The following GPR158 variants were observed in gnomAD, a reference collection of about 807,000 sequenced individuals.
GPR158 encodes the protein metabotropic glycine receptor.
Under a neutral mutation model 78.2 loss-of-function variants are expected in GPR158, and 30 were observed. The ratio of observed to expected loss-of-function variants is 0.38; its 90% confidence interval spans 0.29 to 0.52. The LOEUF (loss-of-function observed/expected upper bound fraction) is 0.52. Ranked by LOEUF, GPR158 falls within the 20% of genes least tolerant of loss-of-function variation. The pLI is 0.83. For synonymous variants in GPR158, 581 were observed against 591.1 expected (o/e 0.98, Z 0.25); for missense variants, 1,463 against 1,523.5 (o/e 0.96, Z 0.66).
intron 2 of GPR158, among the ~76,000 whole-genome samples, chr10:25,330,142 A>G (rs900561190): frequency 6.6e-6 from 1 of 151,914 alleles, no homozygotes; most frequent in Admixed American, 6.6e-5. Flanking sequence ...TACCTCTTAC[A>G]TATTATCTCA....
intron 5 of GPR158, among the ~76,000 whole-genome samples, chr10:25,545,304 C>G (rs61395610): frequency 0.03 from 4,601 of 152,268 alleles, 241 homozygotes; most frequent in African/African-American, 0.1. Context: ...AATGGCTGAA[C>G]TAATTTACAC....
intron 5 of GPR158, among the ~76,000 whole-genome samples, chr10:25,477,605 T>G (rs1835606358): frequency 6.6e-6 from 1 of 152,126 alleles, no homozygotes; most frequent in Non-Finnish European, 1.5e-5. Context: ...TAGACTATGA[T>G]TTTTAAGCTG....
At chr10:25,340,446 G>C (rs1249852541) in intron 2 of GPR158, among the ~76,000 whole-genome samples, 3 of 152,050 alleles carry the variant, frequency 2.0e-5, no homozygotes, top group Non-Finnish European at 4.4e-5. Flanking sequence ...AAACATTCCA[G>C]TCAGAGGAAG....
chr10:25,430,399 G>A (rs1266584586), intron 4 of GPR158, among the ~76,000 whole-genome samples: 1 of 149,652 alleles, frequency 6.7e-6, no homozygotes, highest in African/African-American at 2.5e-5. Flanking sequence ...ATGCTCATGG[G>A]TAGGAAGAAT....
chr10:25,564,844 C>CAGTT (rs1554814236), intron 6 of GPR158, among the ~76,000 whole-genome samples: 1 of 152,142 alleles, frequency 6.6e-6, no homozygotes, highest in African/African-American at 2.4e-5. Flanking sequence ...TTGACTCTAA[C>CAGTT]AGTTCTTGCT....
intron 2 of GPR158, among the ~76,000 whole-genome samples, chr10:25,268,203 A>G (rs141889934): frequency 7.2e-5 from 11 of 152,212 alleles, no homozygotes; most frequent in African/African-American, 2.6e-4. Flanking sequence ...CTTAAAGAAT[A>G]CTCGTTATCC....
intron 2 of GPR158, among the ~76,000 whole-genome samples, chr10:25,256,322 A>T (rs574673688): frequency 2.0e-5 from 3 of 152,330 alleles, no homozygotes; most frequent in Admixed American, 6.5e-5. Flanking sequence ...AATATACCTT[A>T]TCATGCATTC....
intron 1 of GPR158, among the ~76,000 whole-genome samples, chr10:25,189,845 T>A (rs907233827): frequency 2.1e-5 from 3 of 144,732 alleles, no homozygotes; most frequent in Non-Finnish European, 1.5e-5. Context: ...TGTGTGTGTG[T>A]GTGTGTGTGT....
At chr10:25,309,804 T>A (rs1854737794) in intron 2 of GPR158, among the ~76,000 whole-genome samples, 1 of 152,164 alleles carries the variant, frequency 6.6e-6, no homozygotes, top group Non-Finnish European at 1.5e-5. Context: ...CCTGCCACCA[T>A]GTAAGATGTG....
intron 2 of GPR158, among the ~76,000 whole-genome samples, chr10:25,380,860 A>C (rs1393759726): frequency 6.6e-6 from 1 of 152,222 alleles, no homozygotes; most frequent in African/African-American, 2.4e-5. Context: ...AGGGATGAGA[A>C]AGGCATTGAT....
intron 6 of GPR158, among the ~76,000 whole-genome samples, chr10:25,559,311 T>G (rs1164910026): frequency 6.6e-6 from 1 of 152,210 alleles, no homozygotes; most frequent in African/African-American, 2.4e-5. Context: ...TTTCCATTAT[T>G]TTACTTTTGG....
At chr10:25,369,982 T>C (rs1833961571) in intron 2 of GPR158, among the ~76,000 whole-genome samples, 1 of 147,124 alleles carries the variant, frequency 6.8e-6, no homozygotes, top group Admixed American at 6.8e-5. Flanking sequence ...TCTCTGATGG[T>C]AGTTTGTATT....
At chr10:25,570,028 A>C (rs1302694923) in intron 6 of GPR158, among the ~76,000 whole-genome samples, 4 of 152,232 alleles carry the variant, frequency 2.6e-5, no homozygotes, top group African/African-American at 9.6e-5. Flanking sequence ...ATGGAAGAAA[A>C]GTGGGTCAGG....
chr10:25,474,006 A>T (rs1835547158), intron 5 of GPR158, among the ~76,000 whole-genome samples: 1 of 152,154 alleles, frequency 6.6e-6, no homozygotes, highest in South Asian at 2.1e-4. Context: ...ATCCTGGATT[A>T]TCTGGGTGTG....
In GPR158 at chr10:25,341,361, A is replaced by AATT. The variant is rs140420475; in HGVS notation, c.1009-54547_1009-54545dup. Among the ~76,000 whole-genome samples, 855 of 152,146 alleles carry AATT rather than the reference A, an allele frequency of 5.6e-3. 5 individuals are homozygous for AATT. The highest frequency in any genetic ancestry group is 0.018 in the African/African-American group (736 of 41,538). ...TAGAACATAAATTGGAAGGGAAGTTAATTATGTATTTAATATCTATGCATT... is the reference window on the plus strand; with the variant it reads ...TAGAACATAAATTGGAAGGGAAGTTAATTATTATGTATTTAATATCTATGCATT... On this transcript the variant is annotated intron_variant, in intron 2 of 10. Coordinates refer to ENST00000376351, the MANE Select transcript of GPR158 (RefSeq NM_020752.3).
At chr10:25,587,748 G>A (rs149269524) in intron 7 of GPR158, among the ~76,000 whole-genome samples, 1 of 152,156 alleles carries the variant, frequency 6.6e-6, no homozygotes, top group African/African-American at 2.4e-5. Flanking sequence ...GCTACATCAG[G>A]GTTTTAGAGT....
rs556062382 is a variant in GPR158 at position 25,575,465 on chromosome 10, G to A, written c.1753+2578G>A. Among the ~76,000 whole-genome samples the A allele has an allele frequency of 6.8e-4, 104 of 152,220 alleles. No homozygotes were observed. In the Middle Eastern group the frequency reaches 0.02, roughly 30 times the overall value. On this transcript the variant is annotated intron_variant, in intron 7 of 10. Coordinates refer to ENST00000376351, the MANE Select transcript of GPR158 (RefSeq NM_020752.3). ...ACCCGCAGCAGCGGCATCACCTGGG[G>A]ACTTGTTAGAAATGCAGATTCTCAG...
intron 2 of GPR158, among the ~76,000 whole-genome samples, chr10:25,243,238 T>C (rs918770373): frequency 4.6e-5 from 7 of 152,244 alleles, no homozygotes; most frequent in African/African-American, 1.7e-4. Context: ...AGAATGTTTC[T>C]TTACCCTTGT....
intron 2 of GPR158, among the ~76,000 whole-genome samples, chr10:25,379,397 C>G (rs1032533583): frequency 6.6e-5 from 10 of 152,080 alleles, no homozygotes; most frequent in Non-Finnish European, 1.2e-4. Context: ...CTTGAGCTGT[C>G]CCAGTGATGG....
Sources: gnomAD v4.1 joint callset for allele counts (sites outside exome capture counted in the v4.1 genomes callset) on GRCh38, gnomAD v4.1.1 for gene constraint, MANE v1.5 for transcripts, NCBI Gene and HGNC (gene_info 2026-07-23, HGNC 2026-07-21) for gene names.